Variants in WSCD1 observed in about 807,000 individuals in gnomAD.
The protein encoded by WSCD1 is WSC domain sialate O sulfotransferase 1, also known as sialate:O-sulfotransferase 1.
A neutral mutation model predicts 60.4 loss-of-function variants in WSCD1; 41 were observed. The observed-to-expected ratio is 0.68, with a 90% CI of 0.53 to 0.88. WSCD1 has a LOEUF of 0.88. WSCD1 is among the 40% of genes least tolerant of loss of function. The pLI is 0.00. For missense variants in WSCD1, 784 were observed against 796.2 expected, an observed-to-expected ratio of 0.98 and a Z score of 0.18; for synonymous variants, 361 against 332.5, an observed-to-expected ratio of 1.09 and a Z score of -0.93.
At chr17:6,093,655 C>T (rs1049434743) in intron 4 of WSCD1, among the ~76,000 whole-genome samples, 1 of 152,232 alleles carries the variant, frequency 6.6e-6, no homozygotes, top group Non-Finnish European at 1.5e-5. Flanking sequence ...CCACCACCCT[C>T]GACCTTGACA....
chr17:6,087,121 CCAT>C (rs1909706435), intron 2 of WSCD1, among the ~76,000 whole-genome samples: 1 of 152,184 alleles, frequency 6.6e-6, no homozygotes, highest in African/African-American at 2.4e-5. Flanking sequence ...TTGCAAATTC[CCAT>C]GCCGCTCCTT....
intron 5 of WSCD1, among the ~76,000 whole-genome samples, chr17:6,104,062 G>C (rs187039937): frequency 1.3e-5 from 2 of 152,228 alleles, no homozygotes; most frequent in Admixed American, 1.3e-4. Context: ...ATCTGCTTCC[G>C]GTGAGGCCTC....
chr17:6,122,501 A>C lies in WSCD1; in HGVS notation c.*1840A>C, dbSNP rs1250985393. 6.6e-6 allele frequency: 1 copy of C among 152,216 alleles called. No individual in the cohort carries two copies. Among genetic ancestry groups the C allele is most frequent in the Non-Finnish European group, 1.5e-5 (1 of 68,072 alleles). The allele number at this position is 152,216 out of a possible 1,614,324, so 9.4% of individuals were successfully genotyped here. A position where few individuals can be genotyped will look rare whatever the true frequency, so the allele number is the denominator to read the frequency against. ...ATCTGCGAAGGCCCCTGATGGAGCT[A>C]TTTCTTCCTAGTATCAGGAGCAATT... On this transcript the variant is annotated 3_prime_UTR_variant, in exon 9 of 9. Coordinates refer to ENST00000317744, the MANE Select transcript of WSCD1 (RefSeq NM_015253.2).
At chr17:6,092,710 G>A (rs1471556302) in intron 4 of WSCD1, among the ~76,000 whole-genome samples, 1 of 152,022 alleles carries the variant, frequency 6.6e-6, no homozygotes, top group East Asian at 1.9e-4. Context: ...ATGGACTCCC[G>A]GCGGCCCTCC....
chr17:6,090,210 CAA>C (rs66998605), intron 3 of WSCD1, 109 bp from the exon 4 acceptor site: 890,763 of 1,164,958 alleles, frequency 0.76, 347,854 homozygotes, highest in East Asian at 0.9. Context: ...AAACAAAAAA[CAA>C]AAAAAAAACA....
At chr17:6,069,659 A>T (rs1908403299), upstream of WSCD1, among the ~76,000 whole-genome samples, 1 of 151,542 alleles carries the variant, frequency 6.6e-6, no homozygotes, top group African/African-American at 2.4e-5. Context: ...AATTCTGTGT[A>T]GGTCTGTCTC....
At position 6,118,053 on chromosome 17, in the gene WSCD1, G is replaced by A. The variant is rs1252736100; in HGVS notation, c.1240G>A (p.Gly414Ser). The A allele has an allele frequency of 2.2e-5, 36 of 1,614,100 alleles. No homozygotes were observed. The East Asian group carries it at 7.8e-4, about 35-fold the overall frequency. Residue 414 changes from glycine (G) to serine (S), a missense_variant, in exon 8 of 9, where the codon GGC becomes AGC. Gly to Ser is a moderately conservative substitution (Grantham distance 56). Coordinates refer to ENST00000317744, the MANE Select transcript of WSCD1 (RefSeq NM_015253.2). The surrounding 1 kb of genome is among the most constrained non-coding windows in gnomAD (Gnocchi z 5.8). ...RTICVKTHES[G>S]RREIEMFDSA... ...CATCTGTGTCAAAACCCACGAGAGT[G>A]GCAGGAGGGAGATTGAGATGTTTGA...
chr17:6,105,673 A>C (rs892913064), intron 5 of WSCD1, among the ~76,000 whole-genome samples: 7 of 152,190 alleles, frequency 4.6e-5, no homozygotes, highest in Non-Finnish European at 8.8e-5. Flanking sequence ...TCAAGGAAGC[A>C]AAAAGGTTCG....
intron 1 of WSCD1, among the ~76,000 whole-genome samples, chr17:6,071,661 G>T (rs759586068): frequency 1.3e-5 from 2 of 152,198 alleles, no homozygotes; most frequent in African/African-American, 4.8e-5. Context: ...TTTTTCCTCT[G>T]ATTTGCCTAG....
At chr17:6,108,595 A>G (rs1567559747) in intron 5 of WSCD1, among the ~76,000 whole-genome samples, 1 of 152,222 alleles carries the variant, frequency 6.6e-6, no homozygotes, top group Admixed American at 6.5e-5. Flanking sequence ...CCTTGGAAGC[A>G]TGCCAGGCCC....
intron 5 of WSCD1, among the ~76,000 whole-genome samples, chr17:6,097,981 C>T (rs113075349): frequency 2.6e-5 from 4 of 150,968 alleles, no homozygotes; most frequent in South Asian, 2.1e-4. Context: ...GACAGTGTTC[C>T]GCTCTGATGC....
chr17:6,087,877 G>A (rs556739739), intron 2 of WSCD1, 113 bp from the exon 3 acceptor site: 44 of 780,456 alleles, frequency 5.6e-5, no homozygotes, highest in Admixed American at 3.2e-4. Flanking sequence ...CTCATCTCCC[G>A]GGTTTCTCTG....
chr17:6,120,613 G>A lies in WSCD1; in HGVS notation c.1680G>A (p.Leu560=), dbSNP rs1190826657. ...NGYIRTVDQA[L]RDHNWTGLPR... ...ACATCCGGACGGTGGACCAAGCCCT[G>A]CGTGACCACAACTGGACGGGGCTGC... is the stretch of plus-strand genomic sequence containing the variant. The change falls in exon 9 of 9, where the codon CTG becomes CTA. Residue 560 remains leucine (L), a synonymous_variant. Transcript: ENST00000317744. 8.7e-6 allele frequency: 14 copies of A among 1,613,464 alleles called. No individual in the cohort carries two copies. The highest frequency in any genetic ancestry group is 1.2e-5 in the Non-Finnish European group (14 of 1,179,970).
At chr17:6,095,498 A>G (rs1021604166) in intron 5 of WSCD1, among the ~76,000 whole-genome samples, 5 of 152,262 alleles carry the variant, frequency 3.3e-5, no homozygotes, top group Non-Finnish European at 7.3e-5. Flanking sequence ...AACTCTTGCC[A>G]CAAGTGTCAG....
rs1337601931 is a variant in WSCD1, at chr17:6,122,208, C to T, written c.*1547C>T. On this transcript the variant is annotated 3_prime_UTR_variant, in exon 9 of 9. Coordinates refer to ENST00000317744, the MANE Select transcript of WSCD1 (RefSeq NM_015253.2). ...CCTGATGATGGGGAACCCAGAGCCA[C>T]CCGCTATGAGCACAGGCCGGGGGTG... is the stretch of plus-strand genomic sequence containing the variant. 3 of 152,302 alleles carry T rather than the reference C, an allele frequency of 2.0e-5. No individual in the cohort carries two copies. The highest frequency in any genetic ancestry group is 4.4e-5 in the Non-Finnish European group (3 of 68,122). The allele number at this position is 152,302 out of a possible 1,614,324, so 9.4% of individuals were successfully genotyped here. A position where few individuals can be genotyped will look rare whatever the true frequency, so the allele number is the denominator to read the frequency against.
At chr17:6,079,486 C>A (rs1467203782) in intron 1 of WSCD1, among the ~76,000 whole-genome samples, 1 of 152,198 alleles carries the variant, frequency 6.6e-6, no homozygotes, top group East Asian at 1.9e-4. Flanking sequence ...AGTGGAGAGA[C>A]CCATGGAAGG....
chr17:6,078,082 T>G (rs895031270), intron 1 of WSCD1: 2 of 152,258 alleles, frequency 1.3e-5, no homozygotes, highest in African/African-American at 2.4e-5. Flanking sequence ...TCTGGGTAAG[T>G]GGAATTTGAG....
At chr17:6,090,651 G>C (rs1909975230) in intron 4 of WSCD1, 146 bp downstream of exon 4, 1 of 1,167,532 alleles carries the variant, frequency 8.6e-7, no homozygotes, top group Non-Finnish European at 1.2e-6. Flanking sequence ...CACTGGACAG[G>C]CTCCTGGCAG....
intron 7 of WSCD1, among the ~76,000 whole-genome samples, chr17:6,111,472 G>A (rs1911402875): frequency 6.6e-6 from 1 of 152,132 alleles, no homozygotes; most frequent in Non-Finnish European, 1.5e-5. Flanking sequence ...AGGCTGAGGT[G>A]GGTGGATCGC....
Sources: allele counts gnomAD v4.1 joint callset (sites outside exome capture counted in the v4.1 genomes callset), GRCh38; gene constraint gnomAD v4.1.1; non-coding constraint Gnocchi (gnomAD v3.1); transcripts MANE v1.5; gene names NCBI Gene and HGNC (gene_info 2026-07-23, HGNC 2026-07-21).